EXOC2: variants seen among roughly 807,000 people sequenced by gnomAD.
EXOC2 encodes exocyst complex component 2.
A neutral mutation model predicts 131.8 loss-of-function variants in EXOC2; 70 were observed. The observed-to-expected ratio is 0.53, with a 90% CI of 0.44 to 0.65. EXOC2 has a LOEUF of 0.65. Among genes scored for constraint, EXOC2 ranks in the 30% least tolerant of loss-of-function variants. The pLI, the probability that EXOC2 is intolerant of heterozygous loss-of-function variation, is 0.00. For missense variants in EXOC2, 923 were observed against 1,108.6 expected, an observed-to-expected ratio of 0.83 and a Z score of 2.38; for synonymous variants, 411 against 398.4, an observed-to-expected ratio of 1.03 and a Z score of -0.38.
intron 13 of EXOC2, 32 bp downstream of exon 13, chr6:572,488 A>G (rs1758339280): frequency 6.3e-7 from 1 of 1,584,110 alleles, no homozygotes; most frequent in East Asian, 2.2e-5. Flanking sequence ...ACGGTGACTC[A>G]GCTCCACCTC....
At chr6:584,877 T>G (rs193081749) in intron 11 of EXOC2, among the ~76,000 whole-genome samples, 45 of 152,340 alleles carry the variant, frequency 3.0e-4, no homozygotes, top group Admixed American at 1.6e-3. Flanking sequence ...TTATCAGACA[T>G]AGCCAGCATA....
Position 550,564 on chromosome 6 carries a change from G to C in EXOC2, c.2122-1273C>G, listed in dbSNP as rs138958328. ...TGAGTTACTCTATGGCTAGGAAATGGGGTATAAGACAAGGTAAATAGGGTT... is the reference window on the plus strand; with the variant it reads ...TGAGTTACTCTATGGCTAGGAAATGCGGTATAAGACAAGGTAAATAGGGTT... On this transcript the variant is annotated intron_variant, in intron 21 of 27. Transcript: ENST00000230449. Among the ~76,000 whole-genome samples, 383 of 152,338 alleles carry C rather than the reference G, an allele frequency of 2.5e-3. 1 individual carries two copies. The highest frequency in any genetic ancestry group is 8.9e-3 in the African/African-American group (371 of 41,570).
intron 1 of EXOC2, among the ~76,000 whole-genome samples, chr6:679,688 C>A (rs1411973001): frequency 6.6e-6 from 1 of 152,078 alleles, no homozygotes; most frequent in Admixed American, 6.5e-5. Context: ...GGGGAAAAAA[C>A]GGAAACATCC....
At chr6:570,184 A>G (rs1024483435) in intron 13 of EXOC2, among the ~76,000 whole-genome samples, 4 of 131,060 alleles carry the variant, frequency 3.1e-5, no homozygotes, top group Admixed American at 8.1e-5. Context: ...CCCAGGCTGG[A>G]GTGTGGTGGC....
chr6:688,000 G>A (rs555575965), intron 1 of EXOC2, among the ~76,000 whole-genome samples: 26 of 112,088 alleles, frequency 2.3e-4, no homozygotes, highest in Admixed American at 8.4e-4. Context: ...TCACAAAGGC[G>A]GGGTAGATGG....
chr6:642,318 A>C (rs1453755667), intron 1 of EXOC2, among the ~76,000 whole-genome samples: 4 of 152,166 alleles, frequency 2.6e-5, no homozygotes, highest in African/African-American at 9.7e-5. Flanking sequence ...AATCAATTTT[A>C]TATCCCCACT....
intron 1 of EXOC2, among the ~76,000 whole-genome samples, chr6:676,387 C>T (rs76616266): frequency 5.6e-3 from 1 of 178 alleles, no homozygotes. Context: ...ACGGAAAGGA[C>T]AGGTTCCTCT....
At chr6:644,290 A>C (rs1762484295) in intron 1 of EXOC2, among the ~76,000 whole-genome samples, 1 of 152,142 alleles carries the variant, frequency 6.6e-6, no homozygotes. Context: ...GATAAAACTC[A>C]TGATTAAAAA....
At chr6:575,121 G>T (rs1013120986) in intron 12 of EXOC2, among the ~76,000 whole-genome samples, 3 of 152,204 alleles carry the variant, frequency 2.0e-5, no homozygotes, top group Non-Finnish European at 4.4e-5. Context: ...TGAATGGCTT[G>T]GTGTCCTTGC....
rs1246583562 is a variant in EXOC2, at chr6:662,805, C to T, written c.-43-24944G>A. On this transcript the variant is annotated intron_variant, in intron 1 of 27. Transcript: ENST00000230449. The stretch of plus-strand genomic sequence containing the variant: ...AACCCAGCGGAAAAAAGGAAATAAC[C>T]ATGATCAGAGCAGAATTAAATGAAA... 5.9e-5 allele frequency among the ~76,000 whole-genome samples: 9 copies of T among 151,994 alleles called. 1 individual carries two copies. The South Asian group carries it at 1.5e-3, about 25-fold the overall frequency.
At chr6:521,296 C>T (rs1452686190) in intron 23 of EXOC2, among the ~76,000 whole-genome samples, 3 of 152,198 alleles carry the variant, frequency 2.0e-5, no homozygotes, top group Admixed American at 6.5e-5. Context: ...CCGACACTCA[C>T]CGTCCACACT....
At chr6:613,808 C>G (rs1462400612) in intron 6 of EXOC2, among the ~76,000 whole-genome samples, 2 of 152,184 alleles carry the variant, frequency 1.3e-5, no homozygotes, top group East Asian at 3.9e-4. Context: ...GTGCAGCACA[C>G]CAACATGGCA....
intron 16 of EXOC2, among the ~76,000 whole-genome samples, chr6:563,320 G>A (rs1757797655): frequency 6.6e-6 from 1 of 152,158 alleles, no homozygotes; most frequent in African/African-American, 2.4e-5. Context: ...GCAGGCTCAG[G>A]TTCCTAGGTG....
chr6:581,739 G>GAAA (rs59647437), intron 11 of EXOC2, among the ~76,000 whole-genome samples: 3 of 150,508 alleles, frequency 2.0e-5, no homozygotes, highest in Admixed American at 1.3e-4. Context: ...ATCTTGGAAG[G>GAAA]AAAAAAAAAT....
intron 25 of EXOC2, among the ~76,000 whole-genome samples, chr6:496,723 A>G (rs1037607650): frequency 1.3e-5 from 2 of 152,108 alleles, no homozygotes; most frequent in Non-Finnish European, 2.9e-5. Context: ...TAAAAAAAAA[A>G]TTTTATTTTT....
intron 7 of EXOC2, among the ~76,000 whole-genome samples, chr6:606,175 C>A (rs981923847): frequency 2.6e-5 from 4 of 152,156 alleles, no homozygotes; most frequent in African/African-American, 9.7e-5. Context: ...GGACAAAAAA[C>A]CAAACACCGT....
chr6:678,434 T>C (rs946718774), intron 1 of EXOC2, among the ~76,000 whole-genome samples: 1 of 152,236 alleles, frequency 6.6e-6, no homozygotes, highest in Non-Finnish European at 1.5e-5. Context: ...CTACCATTCA[T>C]GCATCAAAAA....
chr6:626,418 G>A (rs1761569778), intron 4 of EXOC2, among the ~76,000 whole-genome samples: 1 of 152,094 alleles, frequency 6.6e-6, no homozygotes, highest in Non-Finnish European at 1.5e-5. Flanking sequence ...ACTCTCACTG[G>A]CTTTGCCATC....
At chr6:657,028 C>T in intron 1 of EXOC2, 1 of 1,177,678 alleles carries the variant, frequency 8.5e-7, no homozygotes, top group Non-Finnish European at 1.2e-6. Context: ...GTCCGTGGCG[C>T]TGCCCTCCCC....
Sources: gnomAD v4.1 joint callset for allele counts (sites outside exome capture counted in the v4.1 genomes callset) on GRCh38, gnomAD v4.1.1 for gene constraint, MANE v1.5 for transcripts, NCBI Gene and HGNC (gene_info 2026-07-23, HGNC 2026-07-21) for gene names.